The following KLF15 variants were observed in gnomAD, a reference collection of about 807,000 sequenced individuals.
KLF15 encodes KLF transcription factor 15, also known as Krueppel-like factor 15.
In KLF15, 4 loss-of-function variants were observed where a neutral mutation model predicts 24.6. The ratio of observed to expected loss-of-function variants is 0.16; its 90% CI spans 0.08 to 0.37. KLF15 has a LOEUF of 0.37. KLF15 is among the 10% of genes least tolerant of loss of function. The pLI is 1.00. For missense variants in KLF15, 496 were observed against 560.6 expected, an observed-to-expected ratio of 0.88 and a Z score of 1.16; for synonymous variants, 246 against 236.3, an observed-to-expected ratio of 1.04 and a Z score of -0.37.
chr3:126,354,056 T>C (rs1297895711), intron 1 of KLF15: 1 of 152,354 alleles, frequency 6.6e-6, no homozygotes, highest in African/African-American at 2.4e-5. Context: ...CCTGAGACAG[T>C]GCACTCCATG....
the KLF15 span, among the ~76,000 whole-genome samples, chr3:126,316,649 G>A: frequency 6.7e-6 from 1 of 149,490 alleles, no homozygotes; most frequent in South Asian, 2.1e-4. Flanking sequence ...ATGGGCCAGA[G>A]TAGGGAAGGG....
At chr3:126,290,737 T>A in the KLF15 span, 2 of 152,266 alleles carry the variant, frequency 1.3e-5, no homozygotes, top group Non-Finnish European at 2.9e-5. Flanking sequence ...GGAGAAGGAA[T>A]GGCCCAATTC....
the KLF15 span, among the ~76,000 whole-genome samples, chr3:126,317,464 G>A: frequency 1.3e-5 from 2 of 152,300 alleles, no homozygotes; most frequent in East Asian, 3.9e-4. Context: ...GGAGTTGGGC[G>A]AGTGGGCTCA....
chr3:126,298,420 G>GATTATT, the KLF15 span, among the ~76,000 whole-genome samples: 24,658 of 146,166 alleles, frequency 0.17, 2,260 homozygotes, highest in South Asian at 0.22. Context: ...TTACTCTGCT[G>GATTATT]ATTATTATTA....
At chr3:126,303,971 G>C in the KLF15 span, among the ~76,000 whole-genome samples, 1 of 151,966 alleles carries the variant, frequency 6.6e-6, no homozygotes, top group Non-Finnish European at 1.5e-5. Flanking sequence ...CTCTACTTGA[G>C]CTTTTATACA....
At chr3:126,310,967 A>G in the KLF15 span, among the ~76,000 whole-genome samples, 1 of 151,944 alleles carries the variant, frequency 6.6e-6, no homozygotes, top group Non-Finnish European at 1.5e-5. Context: ...CCACTTGTCC[A>G]TCGCCACCGC....
At chr3:126,320,194 G>A in the KLF15 span, among the ~76,000 whole-genome samples, 1 of 152,192 alleles carries the variant, frequency 6.6e-6, no homozygotes, top group Non-Finnish European at 1.5e-5. Context: ...CACTTTGGAG[G>A]GGCAGGACAG....
chr3:126,301,615 T>C, the KLF15 span, among the ~76,000 whole-genome samples: 53 of 110,866 alleles, frequency 4.8e-4, 1 homozygote, highest in Admixed American at 8.5e-4. Flanking sequence ...TTTTTCTTTT[T>C]TTTTTTTTTT....
downstream of KLF15, among the ~76,000 whole-genome samples, chr3:126,339,437 G>T (rs184903345): frequency 5.9e-5 from 9 of 152,088 alleles, no homozygotes; most frequent in Non-Finnish European, 1.2e-4. Flanking sequence ...GGCGTTTCTC[G>T]TGCCCTCCCG....
chr3:126,324,728 C>T, the KLF15 span, among the ~76,000 whole-genome samples: 1 of 140,362 alleles, frequency 7.1e-6, no homozygotes, highest in African/African-American at 2.6e-5. Context: ...CATATCATGT[C>T]CATCTGTCCT....
the KLF15 span, among the ~76,000 whole-genome samples, chr3:126,310,376 C>T: frequency 1.3e-5 from 2 of 152,212 alleles, no homozygotes; most frequent in Non-Finnish European, 2.9e-5. Flanking sequence ...GGTTTCACTC[C>T]TGCTACCGAA....
At chr3:126,349,011 C>T (rs910594008) in intron 2 of KLF15, among the ~76,000 whole-genome samples, 1 of 152,114 alleles carries the variant, frequency 6.6e-6, no homozygotes, top group African/African-American at 2.4e-5. Context: ...TCATCGTTAC[C>T]CTTCCAGTCC....
At chr3:126,290,506 A>ACCTTCCTTCCTTCCTTCCTT in the KLF15 span, among the ~76,000 whole-genome samples, 210 of 144,712 alleles carry the variant, frequency 1.5e-3, 2 homozygotes, top group African/African-American at 4.4e-3. Flanking sequence ...CTTCCTTCCT[A>ACCTTCCTTCCTTCCTTCCTT]CCTTCCTTCC....
intron 1 of KLF15, among the ~76,000 whole-genome samples, chr3:126,353,255 A>G (rs2082602322): frequency 6.6e-6 from 1 of 152,232 alleles, no homozygotes; most frequent in African/African-American, 2.4e-5. Context: ...GGTGAGTATG[A>G]GAGAAGGGCA....
the KLF15 span, among the ~76,000 whole-genome samples, chr3:126,323,392 A>C: frequency 1.1e-5 from 1 of 94,952 alleles, no homozygotes; most frequent in Non-Finnish European, 2.0e-5. Context: ...TCTCTTACTT[A>C]GCCCCAGTAG....
chr3:126,330,188 T>G, the KLF15 span, among the ~76,000 whole-genome samples: 1 of 152,186 alleles, frequency 6.6e-6, no homozygotes, highest in Non-Finnish European at 1.5e-5. Flanking sequence ...CAGCCCAGCC[T>G]GAGTCACAGC....
chr3:126,316,206 C>T, the KLF15 span, among the ~76,000 whole-genome samples: 37 of 150,158 alleles, frequency 2.5e-4, no homozygotes, highest in African/African-American at 7.6e-4. Flanking sequence ...AGTGCACGGG[C>T]GGAGTGGGGA....
chr3:126,343,931 T>A, intron 2 of KLF15, 36 bp from the exon 3 acceptor site: 1 of 1,509,026 alleles, frequency 6.6e-7, no homozygotes, highest in Non-Finnish European at 8.8e-7. Context: ...GGCCTGGCCC[T>A]GCCTGCCCCT....
the KLF15 span, among the ~76,000 whole-genome samples, chr3:126,310,536 G>T: frequency 3.9e-5 from 6 of 152,170 alleles, no homozygotes; most frequent in Non-Finnish European, 7.3e-5. Flanking sequence ...ATCAGAGAAG[G>T]GGGGGTGGGT....
Sources: allele counts gnomAD v4.1 joint callset (sites outside exome capture counted in the v4.1 genomes callset), GRCh38; gene constraint gnomAD v4.1.1; transcripts MANE v1.5; gene names NCBI Gene and HGNC (gene_info 2026-07-23, HGNC 2026-07-21).